Variants in ZNF75A observed in about 807,000 individuals in gnomAD.
ZNF75A encodes zinc finger protein 75A.
Under a neutral mutation model 46.3 loss-of-function variants are expected in ZNF75A, and 36 were observed. The observed-to-expected ratio is 0.78, with a 90% CI of 0.60 to 1.03. ZNF75A has a LOEUF of 1.03. Ranked by LOEUF, ZNF75A falls within the 50% of genes least tolerant of loss-of-function variation. The pLI is 0.00. For missense variants in ZNF75A, 595 were observed against 551.3 expected, an observed-to-expected ratio of 1.08 and a Z score of -0.79; for synonymous variants, 234 against 189.9, an observed-to-expected ratio of 1.23 and a Z score of -1.91.
intron 5 of ZNF75A, chr16:3,316,115 G>A (rs986988146): frequency 2.2e-4 from 33 of 152,114 alleles, no homozygotes; most frequent in African/African-American, 6.8e-4. Context: ...ACTCTTTACC[G>A]TGATTTAATT....
chr16:3,319,797 A>ATTTTTTTTTTTTTTT (rs550277242), downstream of ZNF75A, among the ~76,000 whole-genome samples: 2 of 133,328 alleles, frequency 1.5e-5, no homozygotes, highest in African/African-American at 2.8e-5. Flanking sequence ...TTTTTTTTTT[A>ATTTTTTTTTTTTTTT]TTTTTTTTTT....
intron 1 of ZNF75A, chr16:3,307,351 T>C (rs564784204): frequency 1.3e-5 from 2 of 152,306 alleles, no homozygotes; most frequent in Non-Finnish European, 2.9e-5. Context: ...GAGAAAATAG[T>C]ATAATGCAGT....
Position 3,313,182 on chromosome 16 carries a change from A to C in ZNF75A, c.823+7A>C, listed in dbSNP as rs778750235. 1 of 1,612,572 alleles carries C rather than the reference A, an allele frequency of 6.2e-7. No homozygotes were observed. Among genetic ancestry groups the C allele is most frequent in the Admixed American group, 1.7e-5 (1 of 59,636 alleles). On this transcript the variant is annotated splice_region_variant and intron_variant, in intron 5 of 6. Coordinates refer to ENST00000669516, the MANE Select transcript of ZNF75A (RefSeq NM_001302109.2). ...GAGACTGTCATCTCTCTAGGTAAAGATTTTCCCTTCCCTTTATGTAGTTGA... is the reference window on the plus strand; with the variant it reads ...GAGACTGTCATCTCTCTAGGTAAAGCTTTTCCCTTCCCTTTATGTAGTTGA...
In ZNF75A at chr16:3,316,890, C is replaced by T. The variant is rs377754971; in HGVS notation, c.824-22C>T. The T allele has an allele frequency of 9.0e-6, 14 of 1,558,188 alleles. No individual in the cohort carries two copies. In the African/African-American group the frequency reaches 1.1e-4, roughly 12 times the overall value. ...TCACTGTTAAGTTACCAGTCCTTGA[C>T]CTCATTTTGTCCATTTGACAGCATT... On this transcript the variant is annotated intron_variant, in intron 5 of 6. Coordinates refer to ENST00000669516, the MANE Select transcript of ZNF75A (RefSeq NM_001302109.2).
intron 2 of ZNF75A, 95 bp from the exon 3 acceptor site, chr16:3,311,658 C>T (rs1435763508): frequency 5.2e-6 from 3 of 578,198 alleles, no homozygotes; most frequent in Non-Finnish European, 6.6e-6. Flanking sequence ...GTGTCTTATA[C>T]TACCCACAAT....
Position 3,305,643 on chromosome 16 carries a change from G to A in ZNF75A, c.-117G>A, listed in dbSNP as rs2150785016. The A allele has an allele frequency of 6.6e-6, 1 of 152,370 alleles. No individual in the cohort carries two copies. The highest frequency in any genetic ancestry group is 1.9e-4 in the East Asian group (1 of 5,168). The allele number at this position is 152,370 out of a possible 1,614,324, so 9.4% of individuals were successfully genotyped here. On this transcript the variant is annotated splice_region_variant and 5_prime_UTR_variant, in exon 1 of 7. The change creates a new upstream start codon in the 5' untranslated region. Transcript: ENST00000669516. The stretch of plus-strand genomic sequence containing the variant: ...CCTCCACGGAAGCCAAGCTGGCCGA[G>A]GTAACCGAGAAGCGGCTTCCCCTAT...
chr16:3,321,015 A>G (rs565582682), downstream of ZNF75A, among the ~76,000 whole-genome samples: 1 of 152,290 alleles, frequency 6.6e-6, no homozygotes, highest in South Asian at 2.1e-4. Flanking sequence ...ACATAACATG[A>G]TGTCTCATAA....
Position 3,317,697 on chromosome 16 carries a change from C to T in ZNF75A, c.1442C>T (p.Thr481Ile), listed in dbSNP as rs756292395. 2.5e-6 allele frequency: 4 copies of T among 1,614,198 alleles called. No homozygotes were observed. The highest frequency in any genetic ancestry group is 3.4e-6 in the Non-Finnish European group (4 of 1,180,046). ...TNLHTHQRTH[T>I]GEKPFTCHEC... ...TTACATACACACCAAAGAACTCATA[C>T]AGGAGAAAAGCCCTTCACATGTCAT... The change falls in exon 7 of 7, where the codon ACA becomes ATA. Residue 481 changes from threonine (T) to isoleucine (I), a missense_variant. By Grantham distance (89) the Thr-to-Ile change is moderately conservative. Transcript: ENST00000669516.
At chr16:3,311,298 C>T (rs374726214) in intron 2 of ZNF75A, among the ~76,000 whole-genome samples, 7 of 152,086 alleles carry the variant, frequency 4.6e-5, no homozygotes, top group African/African-American at 1.2e-4. Context: ...ATTAGCCAGG[C>T]GTGGTGGTGC....
At chr16:3,307,212 A>G (rs192599251) in intron 1 of ZNF75A, 177 of 152,266 alleles carry the variant, frequency 1.2e-3, no homozygotes, top group African/African-American at 4.1e-3. Flanking sequence ...AGGCCTCCCA[A>G]AGTGCTGGGA....
At chr16:3,306,846 C>G (rs1428385561) in intron 1 of ZNF75A, 2 of 152,094 alleles carry the variant, frequency 1.3e-5, no homozygotes, top group Non-Finnish European at 2.9e-5. Context: ...TCTGTAGTAC[C>G]CCCTCCCCCC....
chr16:3,318,162 G>A lies in ZNF75A; in HGVS notation c.*293G>A, dbSNP rs1961369496. 8.8e-7 allele frequency: 1 copy of A among 1,131,576 alleles called. No homozygotes were observed. The highest frequency in any genetic ancestry group is 4.5e-5 in the Admixed American group (1 of 22,354). The allele number at this position is 1,131,576 out of a possible 1,614,324, so 70.1% of individuals were successfully genotyped here. On this transcript the variant is annotated 3_prime_UTR_variant, in exon 7 of 7. Transcript: ENST00000669516. ...CAAAACAAAAAGCAGTAACATGCAT[G>A]TTTAATTGCATACCATTCTCTTCAC...
intron 2 of ZNF75A, chr16:3,309,194 C>T (rs1960521229): frequency 6.6e-6 from 1 of 152,310 alleles, no homozygotes; most frequent in Non-Finnish European, 1.5e-5. Context: ...CAGTGGCTCA[C>T]ACCTGTAATC....
chr16:3,308,944 TG>T (rs2150799316), intron 2 of ZNF75A, 108 bp downstream of exon 2: 45 of 749,832 alleles, frequency 6.0e-5, no homozygotes, highest in Non-Finnish European at 7.1e-5. Flanking sequence ...GGTCATTGTT[TG>T]GTTTTTTTTT....
At chr16:3,311,373 G>A (rs576700636) in intron 2 of ZNF75A, among the ~76,000 whole-genome samples, 1 of 151,938 alleles carries the variant, frequency 6.6e-6, no homozygotes, top group East Asian at 1.9e-4. Context: ...AGGAGGCAGA[G>A]GTAGCAGTGA....
chr16:3,313,843 C>G (rs771440964), intron 5 of ZNF75A, among the ~76,000 whole-genome samples: 2 of 152,302 alleles, frequency 1.3e-5, no homozygotes, highest in Middle Eastern at 6.8e-3. Flanking sequence ...CTGGTTCCTG[C>G]TCATCTGTCT....
At chr16:3,313,889 C>T (rs918988076) in intron 5 of ZNF75A, among the ~76,000 whole-genome samples, 1 of 152,178 alleles carries the variant, frequency 6.6e-6, no homozygotes, top group African/African-American at 2.4e-5. Flanking sequence ...GCTCAGTCCT[C>T]ACCAGCCACT....
At chr16:3,307,717 G>T (rs1446845956) in intron 1 of ZNF75A, 1 of 148,820 alleles carries the variant, frequency 6.7e-6, no homozygotes, top group East Asian at 1.9e-4. Context: ...GTTTTGTAGA[G>T]ACGGGGTCTC....
downstream of ZNF75A, chr16:3,322,823 A>G (rs558703621): frequency 2.8e-5 from 22 of 790,420 alleles, no homozygotes; most frequent in African/African-American, 1.1e-4. Context: ...TCCAGATTCA[A>G]TTATGTCCCT....
Sources: gnomAD v4.1 joint callset for allele counts (sites outside exome capture counted in the v4.1 genomes callset) on GRCh38, gnomAD v4.1.1 for gene constraint, MANE v1.5 for transcripts, NCBI Gene and HGNC (gene_info 2026-07-23, HGNC 2026-07-21) for gene names.